Variants in ABCC4 observed in about 807,000 individuals in gnomAD.
The protein encoded by ABCC4 is ATP-binding cassette sub-family C member 4.
A neutral mutation model predicts 168.5 loss-of-function variants in ABCC4; 102 were observed. That is an observed-to-expected ratio of 0.61 (90% CI 0.52 to 0.71). The LOEUF is 0.71. Among genes scored for constraint, ABCC4 ranks in the 30% least tolerant of loss-of-function variants. The pLI is 0.00. For missense variants in ABCC4, 1,402 were observed against 1,605.8 expected, an observed-to-expected ratio of 0.87 and a Z score of 2.17; for synonymous variants, 617 against 590.7, an observed-to-expected ratio of 1.04 and a Z score of -0.65.
At chr13:95,072,633 C>T (rs1388324486) in intron 24 of ABCC4, among the ~76,000 whole-genome samples, 1 of 152,152 alleles carries the variant, frequency 6.6e-6, no homozygotes. Context: ...GGGGAAGGTG[C>T]AAATATTTAA....
At chr13:95,058,255 A>G (rs1250012046) in intron 26 of ABCC4, among the ~76,000 whole-genome samples, 1 of 152,226 alleles carries the variant, frequency 6.6e-6, no homozygotes, top group African/African-American at 2.4e-5. Context: ...ACTTTGCTGT[A>G]TATTTGCTCT....
intron 8 of ABCC4, among the ~76,000 whole-genome samples, chr13:95,205,797 G>A (rs1204413041): frequency 6.6e-6 from 1 of 152,196 alleles, no homozygotes; most frequent in East Asian, 1.9e-4. Flanking sequence ...CTTACAGAAG[G>A]CTGGAGAGAA....
At chr13:95,155,029 G>A (rs114964035) in intron 19 of ABCC4, among the ~76,000 whole-genome samples, 4,210 of 152,080 alleles carry the variant, frequency 0.028, 169 homozygotes, top group African/African-American at 0.091. Context: ...CATATAAAAA[G>A]CTCATCATGG....
chr13:95,255,748 G>A (rs567540481), intron 1 of ABCC4, among the ~76,000 whole-genome samples: 3 of 152,062 alleles, frequency 2.0e-5, no homozygotes, highest in Non-Finnish European at 2.9e-5. Flanking sequence ...CCTCTCTTCC[G>A]GGTCCCCCAA....
In ABCC4 at chr13:95,301,282, G is replaced by A. The variant is rs762336137; in HGVS notation, c.33C>T (p.Asn11=). The part of the protein sequence containing the change: MLPVYQEVKP[N]PLQDANLCSR... ...AGCAGAGGTTCGCGTCCTGCAGCGG[G>A]TTGGGCTTCACCTCCTGGTACACGG... Residue 11 remains asparagine, a synonymous_variant, in exon 1 of 31, where the codon AAC becomes AAT. Coordinates refer to ENST00000645237, the MANE Select transcript of ABCC4 (RefSeq NM_005845.5). 6 of 1,596,122 alleles carry A rather than the reference G, an allele frequency of 3.8e-6. No homozygotes were observed. In the East Asian group the frequency reaches 1.4e-4, roughly 37 times the overall value.
At chr13:95,103,126 G>A (rs1025096472) in intron 20 of ABCC4, among the ~76,000 whole-genome samples, 4 of 151,896 alleles carry the variant, frequency 2.6e-5, no homozygotes, top group Non-Finnish European at 5.9e-5. Flanking sequence ...TTAGCCTGGC[G>A]TGGTAGCATG....
At chr13:95,278,248 T>C (rs571827574) in intron 1 of ABCC4, among the ~76,000 whole-genome samples, 1 of 152,326 alleles carries the variant, frequency 6.6e-6, no homozygotes, top group African/African-American at 2.4e-5. Flanking sequence ...CCCATGGCTT[T>C]AGAGGGCCCG....
intron 25 of ABCC4, among the ~76,000 whole-genome samples, chr13:95,065,921 C>T (rs563484049): frequency 2.0e-5 from 3 of 152,216 alleles, no homozygotes; most frequent in African/African-American, 4.8e-5. Flanking sequence ...AGGCCTTCAG[C>T]GTCTTCCCCG....
intron 19 of ABCC4, among the ~76,000 whole-genome samples, chr13:95,145,809 GGAGCT>G (rs1159331385): frequency 6.6e-6 from 1 of 152,122 alleles, no homozygotes; most frequent in East Asian, 1.9e-4. Context: ...CAACATGGAT[GGAGCT>G]GGAAGCCATT....
At chr13:95,102,672 T>A (rs1334783598) in intron 20 of ABCC4, among the ~76,000 whole-genome samples, 1 of 147,918 alleles carries the variant, frequency 6.8e-6, no homozygotes, top group East Asian at 2.0e-4. Flanking sequence ...CTGTCTGGAG[T>A]GCAATGGCAC....
At chr13:95,050,438 TAGAGA>T (rs999966649) in intron 27 of ABCC4, among the ~76,000 whole-genome samples, 2 of 152,132 alleles carry the variant, frequency 1.3e-5, no homozygotes, top group Non-Finnish European at 2.9e-5. Context: ...AGGAAAACTG[TAGAGA>T]AAAGAAAACA....
chr13:95,232,817 C>T (rs1380355931), intron 4 of ABCC4, among the ~76,000 whole-genome samples: 1 of 152,224 alleles, frequency 6.6e-6, no homozygotes, highest in Non-Finnish European at 1.5e-5. Flanking sequence ...AGAAATCCCA[C>T]TCCTTCTATA....
chr13:95,219,264 C>T (rs1201354629), intron 4 of ABCC4, among the ~76,000 whole-genome samples: 2 of 152,126 alleles, frequency 1.3e-5, no homozygotes, highest in African/African-American at 4.8e-5. Flanking sequence ...GAAAAACAAG[C>T]CCCAACTGAA....
At chr13:95,107,684 TG>T (rs2035055607) in intron 20 of ABCC4, among the ~76,000 whole-genome samples, 1 of 152,116 alleles carries the variant, frequency 6.6e-6, no homozygotes, top group African/African-American at 2.4e-5. Flanking sequence ...CCCAGCACTT[TG>T]GGAGGCTGAG....
chr13:95,038,009 C>T (rs929598279), intron 29 of ABCC4, among the ~76,000 whole-genome samples: 23 of 152,056 alleles, frequency 1.5e-4, no homozygotes, highest in Admixed American at 1.4e-3. Context: ...TGCACGCCGC[C>T]AAAGCCTGGC....
At chr13:95,291,816 G>A (rs935295729) in intron 1 of ABCC4, among the ~76,000 whole-genome samples, 15 of 152,194 alleles carry the variant, frequency 9.9e-5, no homozygotes, top group African/African-American at 2.4e-4. Flanking sequence ...GTGTGGTGGC[G>A]CGTGCCTGTA....
intron 30 of ABCC4, among the ~76,000 whole-genome samples, chr13:95,034,361 GGCACACGGCAT>G (rs1325327479): frequency 6.6e-6 from 1 of 152,120 alleles, no homozygotes; most frequent in African/African-American, 2.4e-5. Context: ...CCGCTTCTTG[GGCACACGGCAT>G]GCACACATGT....
intron 3 of ABCC4, among the ~76,000 whole-genome samples, chr13:95,236,936 G>A (rs1566556264): frequency 6.6e-6 from 1 of 152,198 alleles, no homozygotes; most frequent in East Asian, 1.9e-4. Context: ...TGGCTCAGGA[G>A]TGCCAAGGGC....
At chr13:95,194,349 T>G (rs1250348598) in intron 9 of ABCC4, among the ~76,000 whole-genome samples, 1 of 152,146 alleles carries the variant, frequency 6.6e-6, no homozygotes, top group African/African-American at 2.4e-5. Flanking sequence ...ATCCAGATGC[T>G]TGGAATAGGG....
Sources: gnomAD v4.1 joint callset for allele counts (sites outside exome capture counted in the v4.1 genomes callset) on GRCh38, gnomAD v4.1.1 for gene constraint, MANE v1.5 for transcripts, NCBI Gene and HGNC (gene_info 2026-07-23, HGNC 2026-07-21) for gene names.